ATP9B: variants seen among roughly 807,000 people sequenced by gnomAD.
ATP9B encodes the protein ATPase phospholipid transporting 9B.
A neutral mutation model predicts 146.1 loss-of-function variants in ATP9B; 110 were observed. The ratio of observed to expected loss-of-function variants is 0.75; its 90% CI spans 0.65 to 0.88. The LOEUF (loss-of-function observed/expected upper bound fraction) is 0.88, where lower values mean the gene tolerates loss of function less well. Ranked by LOEUF, ATP9B falls within the 40% of genes least tolerant of loss-of-function variation. The probability of loss-of-function intolerance (pLI) is 0.00; values close to 1 mark genes in which losing one functional copy is unlikely to be tolerated. For synonymous variants in ATP9B, 604 were observed against 569.7 expected (o/e 1.06, Z -0.86); for missense variants, 1,499 against 1,496.4 (o/e 1.00, Z -0.03).
rs1171833003 is a variant in ATP9B, at chr18:79,186,385, C to T, written c.874-6798C>T. On this transcript the variant is annotated intron_variant, in intron 8 of 29. Coordinates refer to ENST00000426216, the MANE Select transcript of ATP9B (RefSeq NM_198531.5). The stretch of plus-strand genomic sequence containing the variant: ...AATTATCGTGAAAAGCTTCGAATGA[C>T]ATTCTCATTATTGTGCCATTTATTC... Among the ~76,000 whole-genome samples, 4 of 152,104 alleles carry T rather than the reference C, an allele frequency of 2.6e-5. No individual in the cohort carries two copies. The East Asian group carries it at 5.8e-4, about 22-fold the overall frequency.
intron 4 of ATP9B, among the ~76,000 whole-genome samples, chr18:79,124,706 G>A (rs898964597): frequency 3.3e-5 from 5 of 152,186 alleles, no homozygotes; most frequent in Non-Finnish European, 7.3e-5. Context: ...CTGTCTATTC[G>A]TAAGGTTAGG....
At chr18:79,257,188 T>C (rs1458310493) in intron 12 of ATP9B, among the ~76,000 whole-genome samples, 1 of 152,078 alleles carries the variant, frequency 6.6e-6, no homozygotes, top group Non-Finnish European at 1.5e-5. Context: ...TAATCCCACC[T>C]ACTTGAGAGG....
chr18:79,174,154 G>A (rs1158290743), intron 7 of ATP9B: 1 of 417,738 alleles, frequency 2.4e-6, no homozygotes, highest in Non-Finnish European at 4.7e-6. Flanking sequence ...CTTTCTGGAA[G>A]TAAACTTCCC....
intron 1 of ATP9B, among the ~76,000 whole-genome samples, chr18:79,084,277 C>G (rs2073591937): frequency 6.6e-6 from 1 of 152,030 alleles, no homozygotes; most frequent in African/African-American, 2.4e-5. Flanking sequence ...ATGAGTACCC[C>G]TATCATTTTC....
intron 13 of ATP9B, 133 bp from the exon 14 acceptor site, chr18:79,303,471 A>G (rs750450388): frequency 1.8e-5 from 10 of 553,792 alleles, no homozygotes; most frequent in Non-Finnish European, 2.9e-5. Context: ...TCTTAACGCT[A>G]CTTTGTATTA....
rs569171761 is a variant in ATP9B at position 79,277,263 on chromosome 18, G to A, written c.1411+67G>A. On this transcript the variant is annotated intron_variant, in intron 13 of 29. Coordinates refer to ENST00000426216, the MANE Select transcript of ATP9B (RefSeq NM_198531.5). ...GACATTTAATAAAAAATAGCATAGCGTATAGATATATGTTTATGTGTATGT... is the reference window on the plus strand; with the variant it reads ...GACATTTAATAAAAAATAGCATAGCATATAGATATATGTTTATGTGTATGT... 1.6e-4 allele frequency: 247 copies of A among 1,567,746 alleles called. No homozygotes were observed. The African/African-American group carries it at 2.3e-3, about 15-fold the overall frequency.
intron 11 of ATP9B, among the ~76,000 whole-genome samples, chr18:79,242,917 A>G (rs1361316722): frequency 6.6e-6 from 1 of 152,266 alleles, no homozygotes; most frequent in Admixed American, 6.5e-5. Context: ...CAAGATGAAA[A>G]GTTTATTTAA....
intron 5 of ATP9B, among the ~76,000 whole-genome samples, chr18:79,126,623 C>T (rs916521110): frequency 6.6e-6 from 1 of 152,134 alleles, no homozygotes; most frequent in African/African-American, 2.4e-5. Context: ...ACCACACAAG[C>T]ATGTACATGT....
rs1385067783 is a variant in ATP9B at position 79,287,903 on chromosome 18, C to T, written c.1411+10707C>T. On this transcript the variant is annotated intron_variant, in intron 13 of 29. Transcript: ENST00000426216. The stretch of plus-strand genomic sequence containing the variant: ...AGTAGTCATTCAGGAGCAGGTTGTT[C>T]AGTTTCCATGTAGTTGAGCGGTTTT... Among the ~76,000 whole-genome samples the T allele has an allele frequency of 5.3e-5, 8 of 150,396 alleles. No individual in the cohort carries two copies. The East Asian group carries it at 1.4e-3, about 26-fold the overall frequency.
intron 7 of ATP9B, among the ~76,000 whole-genome samples, chr18:79,169,826 A>G (rs1325933410): frequency 6.6e-6 from 1 of 152,206 alleles, no homozygotes; most frequent in Non-Finnish European, 1.5e-5. Flanking sequence ...GACCACAATC[A>G]GAAGTTTCAG....
In ATP9B at chr18:79,268,050, G is replaced by A. The variant is rs2096221163; in HGVS notation, c.1269-9004G>A. ...TATTGGATGCATACAAATTTAAATT[G>A]TTGTCTATATTCCTACTGGATTAAG... On this transcript the variant is annotated intron_variant, in intron 12 of 29. Coordinates refer to ENST00000426216, the MANE Select transcript of ATP9B (RefSeq NM_198531.5). Among the ~76,000 whole-genome samples, 5 of 152,168 alleles carry A rather than the reference G, an allele frequency of 3.3e-5. No homozygotes were observed. In the South Asian group the frequency reaches 8.3e-4, roughly 25 times the overall value.
intron 5 of ATP9B, among the ~76,000 whole-genome samples, chr18:79,132,847 G>T (rs2094397669): frequency 6.6e-6 from 1 of 152,068 alleles, no homozygotes; most frequent in Non-Finnish European, 1.5e-5. Flanking sequence ...AATGTTCTCT[G>T]TTACTTTTTT....
intron 1 of ATP9B, among the ~76,000 whole-genome samples, chr18:79,088,589 A>C (rs2074046319): frequency 6.6e-6 from 1 of 152,238 alleles, no homozygotes; most frequent in Non-Finnish European, 1.5e-5. Flanking sequence ...TAAAGCAAGT[A>C]ACATTTTGAT....
chr18:79,110,358 C>A lies in ATP9B; in HGVS notation c.297C>A (p.Cys99Ter). The change falls in exon 3 of 30, where the codon TGC becomes TGA. Residue 99 changes from cysteine to a stop codon, truncating the protein, a stop_gained. Transcript: ENST00000426216. LOFTEE classifies it high-confidence loss of function. ...ACGTATCTTTTGTTTCATACAGTTG[C>A]TGTGGTTGGCTGATAAATATTTGTC... Reference protein sequence around the residue: ...CDGWKFLCTSCCGWLINICRR... With the variant: ...CDGWKFLCTS 1.3e-6 allele frequency: 2 copies of A among 1,592,210 alleles called. No homozygotes were observed. Among genetic ancestry groups the A allele is most frequent in the Non-Finnish European group, 1.7e-6 (2 of 1,169,382 alleles).
intron 8 of ATP9B, among the ~76,000 whole-genome samples, chr18:79,187,776 T>C (rs993224825): frequency 2.6e-5 from 4 of 152,192 alleles, no homozygotes; most frequent in Non-Finnish European, 4.4e-5. Context: ...CCATGCATTC[T>C]TCAAGGAACT....
intron 26 of ATP9B, 56 bp downstream of exon 26, chr18:79,359,518 T>G (rs761849147): frequency 7.4e-7 from 1 of 1,356,272 alleles, no homozygotes; most frequent in Non-Finnish European, 1.1e-6. Context: ...TCTAGCATTT[T>G]ACACGAGTGA....
chr18:79,185,381 CAT>C (rs1229392883), intron 8 of ATP9B, among the ~76,000 whole-genome samples: 3 of 152,040 alleles, frequency 2.0e-5, no homozygotes, highest in African/African-American at 7.2e-5. Flanking sequence ...GATATATACA[CAT>C]ATAAATTCAA....
chr18:79,112,334 T>C (rs1266436914), intron 3 of ATP9B, among the ~76,000 whole-genome samples: 1 of 152,200 alleles, frequency 6.6e-6, no homozygotes. Flanking sequence ...AACGTAAGTT[T>C]TGTTCCATTT....
intron 6 of ATP9B, among the ~76,000 whole-genome samples, chr18:79,153,451 C>A (rs117776819): frequency 0.024 from 3,695 of 152,172 alleles, 70 homozygotes; most frequent in South Asian, 0.088. Context: ...TAGATTTATT[C>A]TTTCACATCT....
Sources: allele counts gnomAD v4.1 joint callset (sites outside exome capture counted in the v4.1 genomes callset), GRCh38; gene constraint gnomAD v4.1.1; transcripts MANE v1.5; gene names NCBI Gene and HGNC (gene_info 2026-07-23, HGNC 2026-07-21).